Variants in UBE2E1 observed in about 807,000 individuals in gnomAD.
UBE2E1 encodes ubiquitin-conjugating enzyme E2 E1.
A neutral mutation model predicts 21.4 loss-of-function variants in UBE2E1; 6 were observed. The ratio of observed to expected loss-of-function variants is 0.28; its 90% CI spans 0.15 to 0.55. The LOEUF (loss-of-function observed/expected upper bound fraction) is 0.55, where lower values mean the gene tolerates loss of function less well. Ranked by LOEUF, UBE2E1 falls within the 20% of genes least tolerant of loss-of-function variation. UBE2E1 has a pLI of 0.93. For synonymous variants in UBE2E1, 87 were observed against 82.7 expected (o/e 1.05, Z -0.28); for missense variants, 142 against 236.5 (o/e 0.60, Z 2.62).
intron 3 of UBE2E1, among the ~76,000 whole-genome samples, chr3:23,858,319 A>C (rs1281585568): frequency 6.6e-6 from 1 of 152,000 alleles, no homozygotes; most frequent in Non-Finnish European, 1.5e-5. Flanking sequence ...AATATGAAGA[A>C]GTTTATTATT....
chr3:23,886,102 A>C (rs928510660), intron 3 of UBE2E1, among the ~76,000 whole-genome samples: 2 of 152,084 alleles, frequency 1.3e-5, no homozygotes, highest in African/African-American at 4.8e-5. Context: ...TCAGGTGGCT[A>C]AGGTGGGAGG....
Position 23,891,163 on chromosome 3 carries a change from C to G in UBE2E1, c.*557C>G, listed in dbSNP as rs1019393588. On this transcript the variant is annotated 3_prime_UTR_variant, in exon 6 of 6. Coordinates refer to ENST00000306627, the MANE Select transcript of UBE2E1 (RefSeq NM_003341.5). ...TGTTTAAAAAAGGTCTGAATCAGGA[C>G]TTGTGAAAACCTGTAGTGAAATACC... 6.6e-6 allele frequency: 1 copy of G among 152,494 alleles called. No homozygotes were observed. The highest frequency in any genetic ancestry group is 2.4e-5 in the African/African-American group (1 of 41,424). 9.4% of individuals were successfully genotyped at this position (152,494 alleles called of 1,614,324 possible).
intron 3 of UBE2E1, among the ~76,000 whole-genome samples, chr3:23,837,340 G>T (rs529168806): frequency 9.8e-5 from 15 of 152,314 alleles, no homozygotes; most frequent in African/African-American, 3.4e-4. Context: ...GCTCTGTTTA[G>T]ATTTAGGACC....
Position 23,807,328 on chromosome 3 carries a change from A to G in UBE2E1, c.59A>G (p.Gln20Arg). The G allele has an allele frequency of 6.2e-7, 1 of 1,614,024 alleles. No homozygotes were observed. The highest frequency in any genetic ancestry group is 8.5e-7 in the Non-Finnish European group (1 of 1,179,990). ...TSSSSSSSSNQQTEKETNTPK... is the reference protein window; with the variant it reads ...TSSSSSSSSNRQTEKETNTPK... ...TCCTCCTCATCTTCGTCTTCCAACC[A>G]GCAAACCGAGAAAGAAACAAACACC... The change falls in exon 2 of 6, where the codon CAG becomes CGG. Residue 20 changes from glutamine (Q) to arginine (R), a missense_variant. Transcript: ENST00000306627.
intron 3 of UBE2E1, among the ~76,000 whole-genome samples, chr3:23,885,758 G>A (rs1049326234): frequency 4.6e-5 from 7 of 152,164 alleles, no homozygotes; most frequent in Non-Finnish European, 7.3e-5. Context: ...TACTCAGGAG[G>A]CTGAGGCAAG....
intron 3 of UBE2E1, among the ~76,000 whole-genome samples, chr3:23,829,133 T>TTAC (rs547351336): frequency 1.4e-5 from 2 of 145,090 alleles, no homozygotes; most frequent in Non-Finnish European, 3.0e-5. Context: ...AGATGGAGGA[T>TTAC]TATTATTATT....
At chr3:23,820,615 TC>T (rs1268968530) in intron 3 of UBE2E1, among the ~76,000 whole-genome samples, 28 of 152,204 alleles carry the variant, frequency 1.8e-4, no homozygotes, top group African/African-American at 6.8e-4. Context: ...CTGTCTGCTC[TC>T]CAAAGTACAT....
chr3:23,866,055 A>G lies in UBE2E1; in HGVS notation c.204-21512A>G, dbSNP rs1368576228. Among the ~76,000 whole-genome samples the G allele has an allele frequency of 3.3e-5, 5 of 152,142 alleles. No homozygotes were observed. The East Asian group carries it at 9.6e-4, about 29-fold the overall frequency. ...AGAAAGCAACCAGACCCTCCCCTCC[A>G]AGCCCAGCCCTGTATTTGACATGCA... On this transcript the variant is annotated intron_variant, in intron 3 of 5. Transcript: ENST00000306627.
At chr3:23,807,177 T>A in intron 1 of UBE2E1, 60 bp from the exon 2 acceptor site, 17 of 1,423,238 alleles carry the variant, frequency 1.2e-5, no homozygotes, top group Non-Finnish European at 1.6e-5. Context: ...GCACCCGAGT[T>A]CCTTATTTAC....
chr3:23,878,550 C>T (rs1374987921), intron 3 of UBE2E1, among the ~76,000 whole-genome samples: 1 of 152,234 alleles, frequency 6.6e-6, no homozygotes, highest in Admixed American at 6.5e-5. Context: ...GAGTGAAGCT[C>T]CATCTGTATT....
At chr3:23,840,039 G>A (rs1700053063) in intron 3 of UBE2E1, among the ~76,000 whole-genome samples, 3 of 152,076 alleles carry the variant, frequency 2.0e-5, no homozygotes, top group African/African-American at 7.2e-5. Flanking sequence ...TTTTATGGCT[G>A]ACTTCAAGTT....
At chr3:23,889,359 T>C in intron 5 of UBE2E1, 100 bp downstream of exon 5, 1 of 1,573,654 alleles carries the variant, frequency 6.4e-7, no homozygotes, top group Non-Finnish European at 8.6e-7. Context: ...TCTGCACAAG[T>C]TTGTGAATAC....
chr3:23,852,674 A>G (rs572550903), intron 3 of UBE2E1, among the ~76,000 whole-genome samples: 57 of 152,218 alleles, frequency 3.7e-4, no homozygotes, highest in Non-Finnish European at 7.3e-4. Flanking sequence ...AACTCAGTGC[A>G]GCCATGACCT....
In UBE2E1 at chr3:23,883,460, T is replaced by G. The variant is rs1378629435; in HGVS notation, c.204-4107T>G. On this transcript the variant is annotated intron_variant, in intron 3 of 5. Transcript: ENST00000306627. ...TGGGGATGGGACTGCCTGCCCACTT[T>G]GTAGACCAGCAGATCCTAACTTTTC... 3.3e-5 allele frequency among the ~76,000 whole-genome samples: 5 copies of G among 152,202 alleles called. No homozygotes were observed. The South Asian group carries it at 1.0e-3, about 32-fold the overall frequency.
intron 3 of UBE2E1, among the ~76,000 whole-genome samples, chr3:23,869,895 T>C (rs1700747486): frequency 6.6e-6 from 1 of 152,164 alleles, no homozygotes; most frequent in Non-Finnish European, 1.5e-5. Context: ...GTTCCAGTTA[T>C]TTATTGCTAC....
At chr3:23,889,020 C>T in intron 4 of UBE2E1, 92 bp from the exon 5 acceptor site, 5 of 1,331,684 alleles carry the variant, frequency 3.8e-6, no homozygotes, top group South Asian at 3.0e-5. Flanking sequence ...ATTAAAACTG[C>T]TTTTAGTCAC....
intron 2 of UBE2E1, among the ~76,000 whole-genome samples, chr3:23,809,576 G>A (rs1699342994): frequency 6.6e-6 from 1 of 152,134 alleles, no homozygotes; most frequent in Non-Finnish European, 1.5e-5. Flanking sequence ...CCAGTTTTTT[G>A]GAAATGCAAA....
intron 4 of UBE2E1, chr3:23,888,127 A>C (rs1035054239): frequency 2.3e-6 from 1 of 427,808 alleles, no homozygotes; most frequent in African/African-American, 2.1e-5. Flanking sequence ...ACCCCAAAAA[A>C]AGGCAGGGCA....
At chr3:23,835,171 T>C (rs1699951554) in intron 3 of UBE2E1, among the ~76,000 whole-genome samples, 1 of 152,208 alleles carries the variant, frequency 6.6e-6, no homozygotes, top group South Asian at 2.1e-4. Flanking sequence ...TTACATGTAA[T>C]GTTTTAAAAA....
Sources: allele counts gnomAD v4.1 joint callset (sites outside exome capture counted in the v4.1 genomes callset), GRCh38; gene constraint gnomAD v4.1.1; transcripts MANE v1.5; gene names NCBI Gene and HGNC (gene_info 2026-07-23, HGNC 2026-07-21).